Variants in SERINC5 observed in about 807,000 individuals in gnomAD.
SERINC5 encodes serine incorporator 5.
A neutral mutation model predicts 63.1 loss-of-function variants in SERINC5; 41 were observed. That is an observed-to-expected ratio of 0.65 (90% confidence interval 0.51 to 0.84). The LOEUF (loss-of-function observed/expected upper bound fraction) is 0.84, where lower values mean the gene tolerates loss of function less well. Ranked by LOEUF, SERINC5 falls within the 40% of genes least tolerant of loss-of-function variation. SERINC5 has a pLI of 0.00. For missense variants in SERINC5, 523 were observed against 573.0 expected (o/e 0.91, Z 0.89); for synonymous variants, 222 against 215.2 (o/e 1.03, Z -0.28).
At chr5:80,119,155 C>T (rs1284152645) in intron 11 of SERINC5, among the ~76,000 whole-genome samples, 4 of 152,038 alleles carry the variant, frequency 2.6e-5, no homozygotes, top group Admixed American at 1.3e-4. Flanking sequence ...TGCTATGTCC[C>T]GGGGTTGTTT....
Position 80,139,678 on chromosome 5 carries a change from G to C in SERINC5, c.*3985C>G. 1.0e-6 allele frequency: 1 copy of C among 985,254 alleles called. No individual in the cohort carries two copies. The highest frequency in any genetic ancestry group is 1.2e-6 in the Non-Finnish European group (1 of 829,930). The allele number at this position is 985,254 out of a possible 1,614,324, so 61.0% of individuals were successfully genotyped here. On this transcript the variant is annotated 3_prime_UTR_variant, in exon 12 of 12. Coordinates refer to ENST00000507668, the MANE Select transcript of SERINC5 (RefSeq NM_001174072.3). ...AGTCAAAGGCCCAACATTACAGAGC[G>C]CACCTCTGCCTGAAATACAAAACTA...
chr5:80,198,530 G>A, intron 2 of SERINC5: 2 of 985,372 alleles, frequency 2.0e-6, no homozygotes, highest in Non-Finnish European at 2.4e-6. Flanking sequence ...CAGAACGCTG[G>A]GTAGGAGGCA....
intron 1 of SERINC5, among the ~76,000 whole-genome samples, chr5:80,239,862 G>A (rs1055088897): frequency 6.6e-6 from 1 of 152,056 alleles, no homozygotes; most frequent in Non-Finnish European, 1.5e-5. Context: ...TATGGTACAA[G>A]AAATCGAGCA....
intron 1 of SERINC5, among the ~76,000 whole-genome samples, chr5:80,240,037 T>A (rs1385587519): frequency 6.6e-6 from 1 of 152,174 alleles, no homozygotes; most frequent in East Asian, 1.9e-4. Context: ...CTATTTATTC[T>A]ATACTTACTT....
intron 12 of SERINC5, among the ~76,000 whole-genome samples, chr5:80,112,689 G>A (rs555523890): frequency 6.6e-6 from 1 of 152,284 alleles, no homozygotes; most frequent in Admixed American, 6.5e-5. Context: ...GCCCGCGCCT[G>A]TAATCCCAGC....
At position 80,138,773 on chromosome 5, in the gene SERINC5, G is replaced by T; in HGVS notation, c.*4890C>A. 1.0e-6 allele frequency: 1 copy of T among 972,640 alleles called. No individual in the cohort carries two copies. Among genetic ancestry groups the T allele is most frequent in the Non-Finnish European group, 1.2e-6 (1 of 818,352 alleles). 60.3% of individuals were successfully genotyped at this position (972,640 alleles called of 1,614,324 possible). ...CTTTTATTTGTCAATTAAAGGATCA[G>T]CATAGACTCCATGAAACTTGAGAGA... On this transcript the variant is annotated 3_prime_UTR_variant, in exon 12 of 12. Transcript: ENST00000507668.
intron 2 of SERINC5, among the ~76,000 whole-genome samples, chr5:80,191,895 G>A (rs536546805): frequency 4.6e-5 from 7 of 152,146 alleles, no homozygotes; most frequent in Non-Finnish European, 1.0e-4. Flanking sequence ...TCAGGTCACT[G>A]ACGTTTCCCT....
intron 11 of SERINC5, among the ~76,000 whole-genome samples, chr5:80,120,265 T>A (rs77466000): frequency 0.014 from 2,066 of 152,324 alleles, 30 homozygotes; most frequent in African/African-American, 0.047. Context: ...CAAGGGGATA[T>A]GGTTCTAAGT....
In SERINC5 at chr5:80,147,300, C is replaced by A; in HGVS notation, c.1054-16G>T. On this transcript the variant is annotated splice_polypyrimidine_tract_variant and intron_variant, in intron 9 of 11. Coordinates refer to ENST00000507668, the MANE Select transcript of SERINC5 (RefSeq NM_001174072.3). ...AGCGAGCTATCTGTGAAAGCAAAAG[C>A]AACAGTCAGGCGGCTTGTGTTCTAT... 1 of 1,604,692 alleles carries A rather than the reference C, an allele frequency of 6.2e-7. No homozygotes were observed. The highest frequency in any genetic ancestry group is 8.5e-7 in the Non-Finnish European group (1 of 1,175,976).
intron 2 of SERINC5, among the ~76,000 whole-genome samples, chr5:80,195,437 C>T (rs1749443152): frequency 6.6e-6 from 1 of 152,060 alleles, no homozygotes; most frequent in Non-Finnish European, 1.5e-5. Flanking sequence ...CTGTAGAACA[C>T]TTAACACCAC....
At chr5:80,224,935 G>GGT (rs1561438942) in intron 1 of SERINC5, among the ~76,000 whole-genome samples, 4 of 81,668 alleles carry the variant, frequency 4.9e-5, no homozygotes, top group African/African-American at 2.4e-4. Flanking sequence ...TTTTTTTTTT[G>GGT]TTTTTTTTTG....
chr5:80,250,319 A>C (rs1752350364), intron 1 of SERINC5, among the ~76,000 whole-genome samples: 1 of 152,178 alleles, frequency 6.6e-6, no homozygotes, highest in African/African-American at 2.4e-5. Context: ...TGAAGAAGGA[A>C]GGACATTTTG....
intron 1 of SERINC5, among the ~76,000 whole-genome samples, chr5:80,236,549 G>A (rs955669717): frequency 6.3e-5 from 9 of 143,636 alleles, no homozygotes; most frequent in Non-Finnish European, 1.1e-4. Flanking sequence ...TTTTTCTTGA[G>A]ACAGATTCTC....
intron 1 of SERINC5, among the ~76,000 whole-genome samples, chr5:80,246,338 T>C (rs1283222714): frequency 3.9e-5 from 6 of 152,196 alleles, no homozygotes; most frequent in African/African-American, 1.4e-4. Context: ...ACCTCATGAA[T>C]TTTGTTTCAA....
At chr5:80,190,452 C>T (rs553105045) in intron 2 of SERINC5, among the ~76,000 whole-genome samples, 3 of 152,034 alleles carry the variant, frequency 2.0e-5, no homozygotes, top group Admixed American at 1.3e-4. Context: ...ATCTTCATTC[C>T]GTACTATATG....
chr5:80,130,396 G>A lies in SERINC5; in HGVS notation c.1238+15694C>T, dbSNP rs7733167. On this transcript the variant is annotated intron_variant, in intron 11 of 12. Coordinates refer to the SERINC5 transcript ENST00000509193. ...TTCCATCTCAAAAAAAAAAAAGAAG[G>A]CATTTTAATTACTAAATATATTGCT... Among the ~76,000 whole-genome samples the A allele has an allele frequency of 3.8e-3, 579 of 152,014 alleles. 4 individuals carry two copies. The highest frequency in any genetic ancestry group is 0.013 in the African/African-American group (540 of 41,464).
At chr5:80,131,924 T>TG (rs1372695728) in intron 11 of SERINC5, among the ~76,000 whole-genome samples, 1 of 152,132 alleles carries the variant, frequency 6.6e-6, no homozygotes, top group East Asian at 1.9e-4. Flanking sequence ...CCTTAGGAAC[T>TG]GTTTTAGAAG....
At chr5:80,116,923 G>T (rs763879246) in intron 11 of SERINC5, among the ~76,000 whole-genome samples, 39 of 151,804 alleles carry the variant, frequency 2.6e-4, no homozygotes, top group Non-Finnish European at 2.4e-4. Context: ...CTGACTCCCA[G>T]GTTCAACTGA....
At position 80,242,655 on chromosome 5, in the gene SERINC5, C is replaced by T. The variant is rs1751997278; in HGVS notation, c.27+13241G>A. ...GTTCCAGCTACTCGGGAGGCTGAGG[C>T]AGGAGAATCACTTGAACCCAGGAGG... On this transcript the variant is annotated intron_variant, in intron 1 of 11. Transcript: ENST00000507668. Among the ~76,000 whole-genome samples the T allele has an allele frequency of 2.0e-5, 3 of 152,124 alleles. No individual in the cohort carries two copies. In the South Asian group the frequency reaches 6.2e-4, roughly 31 times the overall value.
Sources: gnomAD v4.1 joint callset for allele counts (sites outside exome capture counted in the v4.1 genomes callset) on GRCh38, gnomAD v4.1.1 for gene constraint, MANE v1.5 for transcripts, NCBI Gene and HGNC (gene_info 2026-07-23, HGNC 2026-07-21) for gene names.